Variants in TEFM observed in about 807,000 individuals in gnomAD.
TEFM encodes the protein transcription elongation factor of mitochondria.
In TEFM, 14 loss-of-function variants were observed where a neutral mutation model predicts 23.0. The ratio of observed to expected loss-of-function variants is 0.61; its 90% CI spans 0.40 to 0.95. The LOEUF (loss-of-function observed/expected upper bound fraction) is 0.95, where lower values mean the gene tolerates loss of function less well. Ranked by LOEUF, TEFM falls within the 40% of genes least tolerant of loss-of-function variation. The pLI, the probability that TEFM is intolerant of heterozygous loss-of-function variation, is 0.00. For missense variants in TEFM, 386 were observed against 425.5 expected, an observed-to-expected ratio of 0.91 and a Z score of 0.82; for synonymous variants, 155 against 158.3, an observed-to-expected ratio of 0.98 and a Z score of 0.16.
chr17:30,904,162 T>C lies in TEFM; in HGVS notation c.399A>G (p.Ile133Met). The C allele has an allele frequency of 1.2e-6, 2 of 1,614,160 alleles. No individual in the cohort carries two copies. Among genetic ancestry groups the C allele is most frequent in the Non-Finnish European group, 1.7e-6 (2 of 1,180,008 alleles). The change falls in exon 2 of 4, where the codon ATA (isoleucine) becomes ATG (methionine). Residue 133 changes from isoleucine to methionine, a missense_variant. By Grantham distance (10) the Ile-to-Met change is conservative. Coordinates refer to ENST00000581216, the MANE Select transcript of TEFM (RefSeq NM_024683.4). ...TTTCCCGTCCAGTCTTTGGACAAAG[T>C]ATGGAGTTACAAACTTGAACTGTAC... ...YKSTVQVCNSILCPKTGREKR... is the reference protein window; with the variant it reads ...YKSTVQVCNSMLCPKTGREKR...
At chr17:30,899,873 G>A (rs1910001070) in intron 3 of TEFM, 2 of 286,978 alleles carry the variant, frequency 7.0e-6, no homozygotes, top group African/African-American at 4.3e-5. Context: ...TCTAAAATAT[G>A]TATTGGCTTT....
rs1460903407 is a variant in TEFM, at chr17:30,900,464, G to T, written c.594C>A (p.Asp198Glu). The T allele has an allele frequency of 6.2e-7, 1 of 1,613,996 alleles. No individual in the cohort carries two copies. Among genetic ancestry groups the T allele is most frequent in the East Asian group, 2.2e-5 (1 of 44,894 alleles). ...KLTVLDWQQS[D>E]RWSLMRGIYS... is the part of the protein sequence containing the mutation. The stretch of plus-strand genomic sequence containing the variant: ...ATATTCCTCTCATTAAACTCCAACG[G>T]TCACTTTGCTGCCAGTCCAGCACTG... The change falls in exon 3 of 4, where the codon GAC becomes GAA. Residue 198 changes from aspartate (D) to glutamate (E), a missense_variant. Coordinates refer to ENST00000581216, the MANE Select transcript of TEFM (RefSeq NM_024683.4).
chr17:30,902,406 C>G (rs11654914), intron 2 of TEFM, among the ~76,000 whole-genome samples: 20,043 of 152,120 alleles, frequency 0.13, 1,468 homozygotes, highest in South Asian at 0.24. Context: ...AATACTTCGT[C>G]GGCAATCGAT....
chr17:30,904,905 C>A (rs1350095352), intron 1 of TEFM, among the ~76,000 whole-genome samples: 1 of 152,026 alleles, frequency 6.6e-6, no homozygotes, highest in African/African-American at 2.4e-5. Flanking sequence ...GTCTCCATCT[C>A]CTGACCTCGT....
At chr17:30,900,690 C>T in intron 2 of TEFM, 128 bp from the exon 3 acceptor site, 1 of 772,682 alleles carries the variant, frequency 1.3e-6, no homozygotes, top group Non-Finnish European at 2.0e-6. Flanking sequence ...CAAGCTCCAC[C>T]TTCTGGGTTC....
intron 2 of TEFM, among the ~76,000 whole-genome samples, chr17:30,903,679 T>C (rs1041698604): frequency 1.6e-4 from 25 of 152,182 alleles, no homozygotes; most frequent in African/African-American, 5.3e-4. Flanking sequence ...TGCTCCTTAA[T>C]TTCTCATTAA....
At chr17:30,900,083 C>CA (rs1477458970) in intron 3 of TEFM, 4 of 384,244 alleles carry the variant, frequency 1.0e-5, no homozygotes, top group Admixed American at 4.1e-5. Flanking sequence ...GACCATTTCG[C>CA]AAGGTTTTGA....
chr17:30,899,031 C>G lies in TEFM; in HGVS notation c.*138G>C. On this transcript the variant is annotated 3_prime_UTR_variant, in exon 4 of 4. Transcript: ENST00000581216. The stretch of plus-strand genomic sequence containing the variant: ...TTTGGTCTTGGCTTATTGTGTAAAC[C>G]ATTTAATAGCCAAAAGTCAGAATTT... The G allele has an allele frequency of 1.2e-6, 1 of 838,122 alleles. No individual in the cohort carries two copies. Among genetic ancestry groups the G allele is most frequent in the Non-Finnish European group, 1.8e-6 (1 of 541,588 alleles). 51.9% of individuals were successfully genotyped at this position (838,122 alleles called of 1,614,324 possible).
Position 30,906,219 on chromosome 17 carries a change from T to C in TEFM, c.-21A>G. On this transcript the variant is annotated 5_prime_UTR_variant, in exon 1 of 4. Transcript: ENST00000581216. The stretch of plus-strand genomic sequence containing the variant: ...CTCATCTCCAAGTTGAATCAGTAGG[T>C]CCAGTCTTCCTCCATTGACTTCCGG... The C allele has an allele frequency of 1.9e-6, 3 of 1,614,234 alleles. No individual in the cohort carries two copies. The highest frequency in any genetic ancestry group is 2.2e-5 in the East Asian group (1 of 44,884).
At chr17:30,903,136 CAAAAA>C (rs1173542105) in intron 2 of TEFM, among the ~76,000 whole-genome samples, 2 of 67,114 alleles carry the variant, frequency 3.0e-5, no homozygotes, top group African/African-American at 5.2e-5. Context: ...GACTCTGTCT[CAAAAA>C]AAAAAAAAAA....
chr17:30,903,136 C>CAAAA (rs1173542105), intron 2 of TEFM, among the ~76,000 whole-genome samples: 1,147 of 67,080 alleles, frequency 0.017, 26 homozygotes, highest in Non-Finnish European at 0.027. Context: ...GACTCTGTCT[C>CAAAA]AAAAAAAAAA....
intron 1 of TEFM, 33 bp from the exon 2 acceptor site, chr17:30,904,562 ATGT>A: frequency 6.6e-7 from 1 of 1,522,400 alleles, no homozygotes; most frequent in Non-Finnish European, 8.9e-7. Context: ...TATAAGTTGG[ATGT>A]CCTACTTCCT....
At chr17:30,903,864 A>T (rs1331561723) in intron 2 of TEFM, 2 of 521,516 alleles carry the variant, frequency 3.8e-6, no homozygotes, top group Admixed American at 7.3e-5. Context: ...TAAACTTTCC[A>T]CAACAGTCAC....
chr17:30,903,350 C>T (rs554439029), intron 2 of TEFM, among the ~76,000 whole-genome samples: 1 of 150,498 alleles, frequency 6.6e-6, no homozygotes, highest in African/African-American at 2.4e-5. Flanking sequence ...CCTCAGCCTC[C>T]CGAGTAGCTG....
chr17:30,899,590 G>A lies in TEFM; in HGVS notation c.662C>T (p.Ser221Leu). 1.3e-6 allele frequency: 2 copies of A among 1,529,658 alleles called. No individual in the cohort carries two copies. Among genetic ancestry groups the A allele is most frequent in the Non-Finnish European group, 8.8e-7 (1 of 1,136,948 alleles). 94.8% of individuals were successfully genotyped at this position (1,529,658 alleles called of 1,614,324 possible). The stretch of plus-strand genomic sequence containing the variant: ...ATAGAAATCTGCTTTAGGCATCTTT[G>A]AAATGATCGAGGAAATCTTTTTAAA... ...VYLEEISSII[S>L]KMPKADFYVL... Residue 221 changes from serine to leucine, a missense_variant, in exon 4 of 4, where the codon TCA becomes TTA. Physicochemically the swap from Ser to Leu is moderately radical, Grantham distance 145. Transcript: ENST00000581216.
At chr17:30,900,925 AT>A (rs1910034844) in intron 2 of TEFM, among the ~76,000 whole-genome samples, 1 of 152,050 alleles carries the variant, frequency 6.6e-6, no homozygotes, top group Non-Finnish European at 1.5e-5. Flanking sequence ...AATATTTTAG[AT>A]GCAAACATAA....
intron 1 of TEFM, among the ~76,000 whole-genome samples, chr17:30,905,528 A>G (rs1910150883): frequency 6.6e-6 from 1 of 152,152 alleles, no homozygotes; most frequent in Non-Finnish European, 1.5e-5. Flanking sequence ...CTCAAAAAAA[A>G]AAAAAAAAGG....
At chr17:30,903,852 A>G (rs1268131433) in intron 2 of TEFM, among the ~76,000 whole-genome samples, 1 of 152,158 alleles carries the variant, frequency 6.6e-6, no homozygotes, top group South Asian at 2.1e-4. Context: ...GAGTTCTTCC[A>G]GTAAACTTTC....
intron 2 of TEFM, among the ~76,000 whole-genome samples, chr17:30,903,482 C>T (rs1375762527): frequency 6.7e-6 from 1 of 149,228 alleles, no homozygotes; most frequent in Non-Finnish European, 1.5e-5. Context: ...GCTTTGGCCT[C>T]CCAAAGTGCT....
Sources: allele counts gnomAD v4.1 joint callset (sites outside exome capture counted in the v4.1 genomes callset), GRCh38; gene constraint gnomAD v4.1.1; transcripts MANE v1.5; gene names NCBI Gene and HGNC (gene_info 2026-07-23, HGNC 2026-07-21).